PTPN4: variants seen among roughly 807,000 people sequenced by gnomAD.
PTPN4 encodes the protein protein tyrosine phosphatase non-receptor type 4.
A neutral mutation model predicts 135.5 loss-of-function variants in PTPN4; 49 were observed. That is an observed-to-expected ratio of 0.36 (90% CI 0.29 to 0.46). PTPN4 has a LOEUF of 0.46. Among genes scored for constraint, PTPN4 ranks in the 20% least tolerant of loss-of-function variants. The pLI is 1.00. For missense variants in PTPN4, 860 were observed against 1,101.0 expected (o/e 0.78, Z 3.10); for synonymous variants, 333 against 369.9 (o/e 0.90, Z 1.14).
At chr2:119,796,817 A>G (rs1445123405) in intron 1 of PTPN4, among the ~76,000 whole-genome samples, 2 of 151,070 alleles carry the variant, frequency 1.3e-5, no homozygotes, top group East Asian at 1.9e-4. Context: ...TGAGAGATGT[A>G]TTTTCTCTAG....
intron 9 of PTPN4, among the ~76,000 whole-genome samples, chr2:119,895,251 ATGT>A (rs1678301934): frequency 6.6e-6 from 1 of 152,232 alleles, no homozygotes; most frequent in African/African-American, 2.4e-5. Flanking sequence ...TGTAAAATTA[ATGT>A]TGTTCTTATG....
chr2:119,916,642 G>GT (rs2105026271), intron 11 of PTPN4: 1 of 152,276 alleles, frequency 6.6e-6, no homozygotes, highest in Non-Finnish European at 1.5e-5. Flanking sequence ...TGCTTGAAAT[G>GT]TTGCTGCTGG....
intron 2 of PTPN4, among the ~76,000 whole-genome samples, chr2:119,822,819 G>GT (rs1677089753): frequency 6.6e-6 from 1 of 152,080 alleles, no homozygotes; most frequent in South Asian, 2.1e-4. Context: ...TTAACTGTAG[G>GT]TTTAAGCATT....
chr2:119,875,939 C>T (rs1202234364), intron 3 of PTPN4, among the ~76,000 whole-genome samples: 2 of 152,120 alleles, frequency 1.3e-5, no homozygotes, highest in African/African-American at 2.4e-5. Flanking sequence ...GGGAGCTGTA[C>T]GACATACTTT....
At chr2:119,870,107 T>C (rs1677888995) in intron 3 of PTPN4, among the ~76,000 whole-genome samples, 2 of 152,210 alleles carry the variant, frequency 1.3e-5, no homozygotes, top group African/African-American at 4.8e-5. Context: ...GCAATATGAT[T>C]ATCCACCTTG....
rs1398471715 is a variant in PTPN4, at chr2:119,900,785, T to C, written c.743T>C (p.Val248Ala). 2 of 1,567,160 alleles carry C rather than the reference T, an allele frequency of 1.3e-6. No individual in the cohort carries two copies. Among genetic ancestry groups the C allele is most frequent in the Non-Finnish European group, 1.7e-6 (2 of 1,150,614 alleles). The part of the protein sequence containing the change: ...SGGILIYKNR[V>A]RMNTFPWLKI... ...GGAATTCTGATTTATAAGAACAGGGTACGAATGAATACCTTTCCATGGTAA... is the reference window on the plus strand; with the variant it reads ...GGAATTCTGATTTATAAGAACAGGGCACGAATGAATACCTTTCCATGGTAA... The change falls in exon 10 of 27, where the codon GTA (valine) becomes GCA (alanine). Residue 248 changes from valine (V) to alanine (A), a missense_variant. Around this residue, in one of 2 missense-constraint regions of PTPN4, gnomAD observed 684 missense variants for 807.0 expected, o/e 0.85. Coordinates refer to ENST00000263708, the MANE Select transcript of PTPN4 (RefSeq NM_002830.4).
chr2:119,922,225 A>C (rs1376471052), intron 12 of PTPN4, among the ~76,000 whole-genome samples: 1 of 141,944 alleles, frequency 7.0e-6, no homozygotes, highest in Non-Finnish European at 1.5e-5. Context: ...ATTTAAAAAA[A>C]AAAAAAAAAA....
chr2:119,830,810 T>C (rs1471510594), intron 2 of PTPN4, among the ~76,000 whole-genome samples: 1 of 152,094 alleles, frequency 6.6e-6, no homozygotes, highest in Non-Finnish European at 1.5e-5. Context: ...CACCTTGCTC[T>C]CTCTTTGCCT....
intron 1 of PTPN4, among the ~76,000 whole-genome samples, chr2:119,806,338 C>T (rs1466488100): frequency 1.3e-5 from 2 of 152,150 alleles, no homozygotes; most frequent in East Asian, 1.9e-4. Context: ...ACCCATCTCA[C>T]GTGCAGAGAC....
intron 13 of PTPN4, among the ~76,000 whole-genome samples, chr2:119,927,573 AC>A (rs1678844611): frequency 6.6e-6 from 1 of 152,244 alleles, no homozygotes. Context: ...AAAGGCCTGA[AC>A]AAAAACATTG....
At chr2:119,778,571 G>A (rs1307284827) in intron 1 of PTPN4, among the ~76,000 whole-genome samples, 2 of 152,098 alleles carry the variant, frequency 1.3e-5, no homozygotes, top group African/African-American at 4.8e-5. Context: ...GGTCGGGAGT[G>A]TGTTTCTTTC....
chr2:119,913,853 A>G (rs187092727), intron 10 of PTPN4, among the ~76,000 whole-genome samples: 74 of 152,342 alleles, frequency 4.9e-4, no homozygotes, highest in African/African-American at 1.8e-3. Context: ...CCAGGCATAT[A>G]GAAGCCAAAA....
In PTPN4 at chr2:119,965,740, C is replaced by T. The variant is rs866695984; in HGVS notation, c.2558+95C>T. The T allele has an allele frequency of 4.3e-6, 6 of 1,391,766 alleles. No homozygotes were observed. The Middle Eastern group carries it at 5.6e-4, about 130-fold the overall frequency. The allele number at this position is 1,391,766 out of a possible 1,614,324, so 86.2% of individuals were successfully genotyped here. ...TTTTGTCCTTATGGTGTTATTGTCA[C>T]TGTAATAATTAGAACTCAAAGCTAT... On this transcript the variant is annotated intron_variant, in intron 25 of 26. Coordinates refer to ENST00000263708, the MANE Select transcript of PTPN4 (RefSeq NM_002830.4).
At chr2:119,917,998 A>G (rs1173847695) in intron 11 of PTPN4, among the ~76,000 whole-genome samples, 1 of 152,216 alleles carries the variant, frequency 6.6e-6, no homozygotes, top group Non-Finnish European at 1.5e-5. Context: ...ATGGGTGAAT[A>G]TGTATGCATC....
intron 2 of PTPN4, among the ~76,000 whole-genome samples, chr2:119,848,792 G>A (rs2941611): frequency 0.037 from 5,562 of 151,604 alleles, 351 homozygotes; most frequent in African/African-American, 0.13. Context: ...GTAGAGACGG[G>A]GTTTCACAAT....
In PTPN4 at chr2:119,806,415, G is replaced by A. The variant is rs543149417; in HGVS notation, c.-17-3422G>A. Among the ~76,000 whole-genome samples the A allele has an allele frequency of 5.2e-4, 79 of 152,222 alleles. No individual in the cohort carries two copies. The South Asian group carries it at 0.015, about 29-fold the overall frequency. On this transcript the variant is annotated intron_variant, in intron 1 of 26. Coordinates refer to ENST00000263708, the MANE Select transcript of PTPN4 (RefSeq NM_002830.4). ...AGCAAATGGAAAGCAAAAAAAAGCA[G>A]GGGTTGCAATCCCAGTCTCTGATAA...
At chr2:119,883,683 A>G (rs578178858) in intron 8 of PTPN4, among the ~76,000 whole-genome samples, 1 of 152,254 alleles carries the variant, frequency 6.6e-6, no homozygotes, top group East Asian at 1.9e-4. Flanking sequence ...AACCTTGGCC[A>G]AACTGTTTTA....
chr2:119,826,953 A>G (rs1418638452), intron 2 of PTPN4, among the ~76,000 whole-genome samples: 1 of 152,188 alleles, frequency 6.6e-6, no homozygotes, highest in Non-Finnish European at 1.5e-5. Context: ...TGCTTGGGCC[A>G]GGAGTTCGAG....
At chr2:119,829,062 C>T (rs893406813) in intron 2 of PTPN4, among the ~76,000 whole-genome samples, 1 of 152,146 alleles carries the variant, frequency 6.6e-6, no homozygotes, top group Non-Finnish European at 1.5e-5. Flanking sequence ...TTTTTCTTCC[C>T]ATATATTTGT....
Sources: gnomAD v4.1 joint callset for allele counts (sites outside exome capture counted in the v4.1 genomes callset) on GRCh38, gnomAD v4.1.1 for gene constraint, gnomAD v4.1.1 regional missense constraint, MANE v1.5 for transcripts, NCBI Gene and HGNC (gene_info 2026-07-23, HGNC 2026-07-21) for gene names.